The following CAMK2D variants were observed in gnomAD, a reference collection of about 807,000 sequenced individuals.
The protein encoded by CAMK2D is calcium/calmodulin dependent protein kinase II delta.
A neutral mutation model predicts 84.0 loss-of-function variants in CAMK2D; 37 were observed. The ratio of observed to expected loss-of-function variants is 0.44; its 90% CI spans 0.34 to 0.58. The LOEUF (loss-of-function observed/expected upper bound fraction) is 0.58, where lower values mean the gene tolerates loss of function less well. Ranked by LOEUF, CAMK2D falls within the 20% of genes least tolerant of loss-of-function variation. CAMK2D has a pLI of 0.02. For synonymous variants in CAMK2D, 202 were observed against 212.5 expected, an observed-to-expected ratio of 0.95 and a Z score of 0.43; for missense variants, 448 against 652.5, an observed-to-expected ratio of 0.69 and a Z score of 3.41.
chr4:113,551,915 C>A, intron 5 of CAMK2D, 116 bp downstream of exon 5: 2 of 469,596 alleles, frequency 4.3e-6, no homozygotes, highest in South Asian at 6.0e-5. Flanking sequence ...CTCTAAGAAT[C>A]ATCCCGGAGA....
chr4:113,692,695 T>TAC (rs1437324320), intron 2 of CAMK2D, among the ~76,000 whole-genome samples: 1 of 151,968 alleles, frequency 6.6e-6, no homozygotes, highest in African/African-American at 2.4e-5. Flanking sequence ...CATACATACA[T>TAC]ATATTCATAC....
At chr4:113,703,228 C>A (rs1035310112) in intron 2 of CAMK2D, among the ~76,000 whole-genome samples, 2 of 152,086 alleles carry the variant, frequency 1.3e-5, no homozygotes, top group African/African-American at 4.8e-5. Flanking sequence ...GTGAGTGATA[C>A]AGATAGATGA....
chr4:113,710,773 T>A (rs903625729), intron 2 of CAMK2D, among the ~76,000 whole-genome samples: 4 of 152,092 alleles, frequency 2.6e-5, no homozygotes, highest in African/African-American at 9.7e-5. Flanking sequence ...TTGTCCTATT[T>A]TCAGAGAAAA....
At chr4:113,543,768 G>GTTTATTTATTTATTTA (rs79922057) in intron 6 of CAMK2D, among the ~76,000 whole-genome samples, 17 of 146,710 alleles carry the variant, frequency 1.2e-4, no homozygotes, top group African/African-American at 2.5e-4. Flanking sequence ...TATCTATCAA[G>GTTTATTTATTTATTTA]TTTATTTATT....
intron 6 of CAMK2D, among the ~76,000 whole-genome samples, chr4:113,537,895 T>G (rs1172243446): frequency 6.6e-6 from 1 of 152,228 alleles, no homozygotes; most frequent in Non-Finnish European, 1.5e-5. Flanking sequence ...AATTAAATCC[T>G]AGTTAACTTC....
chr4:113,710,045 G>A (rs1312657155), intron 2 of CAMK2D, among the ~76,000 whole-genome samples: 4 of 151,624 alleles, frequency 2.6e-5, no homozygotes, highest in Admixed American at 6.6e-5. Flanking sequence ...GGCTCCAATC[G>A]CTCTGGGTTC....
intron 4 of CAMK2D, among the ~76,000 whole-genome samples, chr4:113,600,668 C>T (rs931277018): frequency 1.3e-5 from 2 of 152,044 alleles, no homozygotes; most frequent in Non-Finnish European, 2.9e-5. Context: ...GACAGGGTCT[C>T]GCTCTGTCAA....
At chr4:113,658,010 T>C (rs560280734) in intron 3 of CAMK2D, among the ~76,000 whole-genome samples, 2 of 152,182 alleles carry the variant, frequency 1.3e-5, no homozygotes, top group East Asian at 1.9e-4. Context: ...TGTAATATGA[T>C]TCAGTCATGA....
At chr4:113,588,451 T>C (rs1429692922) in intron 4 of CAMK2D, among the ~76,000 whole-genome samples, 3 of 152,332 alleles carry the variant, frequency 2.0e-5, no homozygotes, top group South Asian at 4.1e-4. Context: ...ACTATTTTCA[T>C]TTCTTAAAAC....
intron 13 of CAMK2D, among the ~76,000 whole-genome samples, chr4:113,508,742 G>C (rs966407112): frequency 2.0e-5 from 3 of 152,200 alleles, no homozygotes; most frequent in East Asian, 3.8e-4. Flanking sequence ...AGAAATGACT[G>C]AGCATGAACA....
intron 16 of CAMK2D, among the ~76,000 whole-genome samples, chr4:113,471,417 T>C (rs148165998): frequency 6.2e-4 from 95 of 152,338 alleles, no homozygotes; most frequent in African/African-American, 2.1e-3. Flanking sequence ...TATTTCTAAC[T>C]GCATTCTAAA....
chr4:113,459,806 AG>A (rs1377667275), intron 18 of CAMK2D, among the ~76,000 whole-genome samples: 1 of 151,822 alleles, frequency 6.6e-6, no homozygotes, highest in African/African-American at 2.4e-5. Flanking sequence ...TTGTATTTTT[AG>A]TAGAGATGAG....
intron 6 of CAMK2D, 62 bp downstream of exon 6, chr4:113,547,582 T>C (rs1166430388): frequency 2.4e-5 from 26 of 1,081,136 alleles, no homozygotes; most frequent in Non-Finnish European, 3.3e-5. Flanking sequence ...ACAGGCATAA[T>C]TGCAGCTGAA....
At chr4:113,466,648 C>G (rs2097474094) in intron 16 of CAMK2D, among the ~76,000 whole-genome samples, 1 of 152,142 alleles carries the variant, frequency 6.6e-6, no homozygotes, top group Non-Finnish European at 1.5e-5. Context: ...GTATAGCTGT[C>G]AAACCCAACA....
At chr4:113,492,773 G>C (rs935691876) in intron 16 of CAMK2D, among the ~76,000 whole-genome samples, 2 of 146,124 alleles carry the variant, frequency 1.4e-5, no homozygotes, top group African/African-American at 5.3e-5. Flanking sequence ...ATGTGTGGGA[G>C]TCTAAGTTTC....
At chr4:113,620,582 A>T (rs1297977271) in intron 3 of CAMK2D, among the ~76,000 whole-genome samples, 1 of 150,252 alleles carries the variant, frequency 6.7e-6, no homozygotes, top group Non-Finnish European at 1.5e-5. Flanking sequence ...ATCTTGACTC[A>T]CTGCAACCTC....
chr4:113,536,885 A>G (rs935939282), intron 7 of CAMK2D, among the ~76,000 whole-genome samples: 3 of 152,228 alleles, frequency 2.0e-5, no homozygotes, highest in African/African-American at 7.2e-5. Flanking sequence ...TAGATGCTTC[A>G]TAATTTTTAA....
intron 8 of CAMK2D, among the ~76,000 whole-genome samples, chr4:113,524,628 C>CTTCT (rs2098402749): frequency 6.6e-6 from 1 of 152,106 alleles, no homozygotes; most frequent in Non-Finnish European, 1.5e-5. Context: ...CTTCAAGGTG[C>CTTCT]TTCTTTCAAT....
At chr4:113,589,024 G>A (rs2098846749) in intron 4 of CAMK2D, among the ~76,000 whole-genome samples, 1 of 152,132 alleles carries the variant, frequency 6.6e-6, no homozygotes, top group African/African-American at 2.4e-5. Flanking sequence ...CAGGTTTCTG[G>A]GAGAGGAACA....
Sources: allele counts gnomAD v4.1 joint callset (sites outside exome capture counted in the v4.1 genomes callset), GRCh38; gene constraint gnomAD v4.1.1; transcripts MANE v1.5; gene names NCBI Gene and HGNC (gene_info 2026-07-23, HGNC 2026-07-21).